The following TMEM74 variants were observed in gnomAD, a reference collection of about 807,000 sequenced individuals.
TMEM74 encodes transmembrane protein 74.
TMEM74 carries 13 observed loss-of-function variants against 18.1 expected under a neutral mutation model. The ratio of observed to expected loss-of-function variants is 0.72; its 90% CI spans 0.47 to 1.14. The LOEUF (loss-of-function observed/expected upper bound fraction) is 1.14. Among genes scored for constraint, TMEM74 ranks in the 50% most tolerant of loss-of-function variants. The probability of loss-of-function intolerance (pLI) is 0.00; values close to 1 mark genes in which losing one functional copy is unlikely to be tolerated. For synonymous variants in TMEM74, 159 were observed against 146.6 expected (o/e 1.08, Z -0.61); for missense variants, 372 against 375.9 (o/e 0.99, Z 0.09).
chr8:108,681,349 C>A (rs944247136), intron 1 of TMEM74, among the ~76,000 whole-genome samples: 3 of 152,100 alleles, frequency 2.0e-5, no homozygotes, highest in Non-Finnish European at 2.9e-5. Context: ...ACAGAGCCCT[C>A]AGAAATAATG....
chr8:108,750,218 T>C (rs1813890849), intron 1 of TMEM74, among the ~76,000 whole-genome samples: 1 of 152,182 alleles, frequency 6.6e-6, no homozygotes, highest in African/African-American at 2.4e-5. Context: ...CATTCCACAG[T>C]AAAGTGACTT....
chr8:108,649,881 C>A (rs1279168321), intron 2 of TMEM74, among the ~76,000 whole-genome samples: 1 of 152,112 alleles, frequency 6.6e-6, no homozygotes, highest in Non-Finnish European at 1.5e-5. Context: ...CAGCCTCAAC[C>A]TTTTCTCTTT....
At chr8:108,610,029 T>C (rs1344863012) in intron 2 of TMEM74, among the ~76,000 whole-genome samples, 1 of 152,216 alleles carries the variant, frequency 6.6e-6, no homozygotes, top group Non-Finnish European at 1.5e-5. Flanking sequence ...CCCTTTAGTG[T>C]GCATTAAGTA....
At chr8:108,646,773 A>G (rs1225134857) in intron 2 of TMEM74, among the ~76,000 whole-genome samples, 34 of 152,068 alleles carry the variant, frequency 2.2e-4, no homozygotes, top group Admixed American at 2.2e-3. Flanking sequence ...TGCTGTCTTT[A>G]TATATTTTTG....
chr8:108,732,724 G>A (rs1251351590), intron 1 of TMEM74, among the ~76,000 whole-genome samples: 1 of 151,474 alleles, frequency 6.6e-6, no homozygotes, highest in African/African-American at 2.4e-5. Flanking sequence ...AAATTAATTT[G>A]AAATTGATCA....
At chr8:108,686,076 T>A (rs987065045) in intron 1 of TMEM74, among the ~76,000 whole-genome samples, 6 of 152,314 alleles carry the variant, frequency 3.9e-5, no homozygotes, top group East Asian at 1.9e-4. Context: ...CAGTATTTTT[T>A]AAAAATGAAA....
intron 1 of TMEM74, among the ~76,000 whole-genome samples, chr8:108,684,634 T>C (rs1462486969): frequency 6.6e-6 from 1 of 151,966 alleles, no homozygotes; most frequent in Non-Finnish European, 1.5e-5. Flanking sequence ...TAAGGTCTTA[T>C]TCATAAAAGC....
At position 108,780,281 on chromosome 8, in the gene TMEM74, A is replaced by T. The variant is rs955853319; in HGVS notation, c.*3900T>A. On this transcript the variant is annotated 3_prime_UTR_variant, in exon 2 of 2. Coordinates refer to ENST00000297459, the MANE Select transcript of TMEM74 (RefSeq NM_153015.3). ...ACCTTCTCCTAAGAGATATACATAT[A>T]GAACACTTTTTTAACTTGACAATTA... Among the ~76,000 whole-genome samples the T allele has an allele frequency of 2.0e-5, 3 of 152,172 alleles. No homozygotes were observed. The highest frequency in any genetic ancestry group is 4.4e-5 in the Non-Finnish European group (3 of 68,028).
In TMEM74 at chr8:108,700,478, G is replaced by T. The variant is rs1258123911; in HGVS notation, n.120-45041C>A. On this transcript the variant is annotated intron_variant and non_coding_transcript_variant, in intron 1 of 3. Coordinates refer to the TMEM74 transcript ENST00000518838. ...TGATGAGCATCCAACGACTAAAAGAGAATATGAAAAGAAAACAGTGTGATG... is the reference window on the plus strand; with the variant it reads ...TGATGAGCATCCAACGACTAAAAGATAATATGAAAAGAAAACAGTGTGATG... 2.8e-5 allele frequency among the ~76,000 whole-genome samples: 4 copies of T among 145,346 alleles called. No individual in the cohort carries two copies. In the East Asian group the frequency reaches 8.6e-4, roughly 31 times the overall value.
intron 2 of TMEM74, among the ~76,000 whole-genome samples, chr8:108,654,010 ATACT>A (rs960855481): frequency 6.6e-5 from 10 of 152,210 alleles, no homozygotes; most frequent in African/African-American, 2.4e-4. Context: ...ACATTAAAAC[ATACT>A]TACATAAATA....
At chr8:108,786,233 A>C (rs1014099893) in intron 1 of TMEM74, among the ~76,000 whole-genome samples, 1 of 152,226 alleles carries the variant, frequency 6.6e-6, no homozygotes, top group African/African-American at 2.4e-5. Flanking sequence ...GACTGCAGCA[A>C]GGGGCATTTC....
intron 1 of TMEM74, among the ~76,000 whole-genome samples, chr8:108,772,187 T>C (rs1163600588): frequency 6.6e-6 from 1 of 152,158 alleles, no homozygotes; most frequent in Non-Finnish European, 1.5e-5. Flanking sequence ...TCATTGTTCT[T>C]TTATGTTTTC....
chr8:108,739,885 A>G (rs1162749092), intron 1 of TMEM74, among the ~76,000 whole-genome samples: 6 of 152,036 alleles, frequency 3.9e-5, no homozygotes, highest in Non-Finnish European at 1.5e-5. Context: ...ATTGAGAAAA[A>G]GACAATTTGA....
chr8:108,760,490 A>AATG (rs1434498227), intron 1 of TMEM74, among the ~76,000 whole-genome samples: 3 of 151,984 alleles, frequency 2.0e-5, no homozygotes, highest in African/African-American at 7.2e-5. Context: ...GTTTTAACAG[A>AATG]ATGCATCTAT....
chr8:108,632,750 A>G (rs1208607996), intron 2 of TMEM74, among the ~76,000 whole-genome samples: 2 of 151,888 alleles, frequency 1.3e-5, no homozygotes, highest in Admixed American at 6.6e-5. Flanking sequence ...TGGCTGTGTC[A>G]TTTTCTTACT....
At chr8:108,760,414 C>T (rs903214032) in intron 1 of TMEM74, among the ~76,000 whole-genome samples, 3 of 152,020 alleles carry the variant, frequency 2.0e-5, no homozygotes, top group East Asian at 1.9e-4. Context: ...GGCACAGAAA[C>T]GATCTGAAGA....
At chr8:108,616,185 C>T (rs2130538274) in intron 2 of TMEM74, among the ~76,000 whole-genome samples, 1 of 152,288 alleles carries the variant, frequency 6.6e-6, no homozygotes, top group Middle Eastern at 3.4e-3. Flanking sequence ...GGGCCGTGCT[C>T]TGGCAGTACT....
intron 1 of TMEM74, among the ~76,000 whole-genome samples, chr8:108,682,094 G>A (rs1457383276): frequency 6.6e-6 from 1 of 151,906 alleles, no homozygotes; most frequent in African/African-American, 2.4e-5. Flanking sequence ...TTCTCATTTT[G>A]TTTAAAATCA....
downstream of TMEM74, among the ~76,000 whole-genome samples, chr8:108,778,740 G>A (rs1447660794): frequency 6.6e-6 from 1 of 152,098 alleles, no homozygotes; most frequent in African/African-American, 2.4e-5. Context: ...TTAAAAGCAG[G>A]TGCATAAGTT....
Sources: allele counts gnomAD v4.1 joint callset (sites outside exome capture counted in the v4.1 genomes callset), GRCh38; gene constraint gnomAD v4.1.1; transcripts MANE v1.5; gene names NCBI Gene and HGNC (gene_info 2026-07-23, HGNC 2026-07-21).